MROH9: variants seen among roughly 807,000 people sequenced by gnomAD.
MROH9 encodes the protein maestro heat like repeat family member 9.
MROH9 carries 92 observed loss-of-function variants against 98.2 expected under a neutral mutation model. That is an observed-to-expected ratio of 0.94 (90% CI 0.79 to 1.11). The LOEUF is 1.11. MROH9 is among the 50% of genes most tolerant of loss of function. The pLI, the probability that MROH9 is intolerant of heterozygous loss-of-function variation, is 0.00. For synonymous variants in MROH9, 397 were observed against 368.9 expected, an observed-to-expected ratio of 1.08 and a Z score of -0.87; for missense variants, 1,057 against 1,014.8, an observed-to-expected ratio of 1.04 and a Z score of -0.57.
chr1:171,020,000 A>G (rs1652463571), intron 17 of MROH9, among the ~76,000 whole-genome samples: 1 of 152,208 alleles, frequency 6.6e-6, no homozygotes, highest in Non-Finnish European at 1.5e-5. Context: ...ATACACAAAT[A>G]AACGGTAAAA....
rs551385475 is a variant in MROH9 at position 170,965,337 on chromosome 1, C to T, written c.480+82C>T. 20 of 892,134 alleles carry T rather than the reference C, an allele frequency of 2.2e-5. No individual in the cohort carries two copies. In the African/African-American group the frequency reaches 2.5e-4, roughly 11 times the overall value. The allele number at this position is 892,134 out of a possible 1,614,324, so 55.3% of individuals were successfully genotyped here. A position where few individuals can be genotyped will look rare whatever the true frequency, so the allele number is the denominator to read the frequency against. ...CTGCTTTCCATGTCTTGGGTCCTAA[C>T]AGTACTTGACAGGTCCTTGGTATTA... On this transcript the variant is annotated intron_variant, in intron 7 of 21. Coordinates refer to ENST00000367759, the MANE Select transcript of MROH9 (RefSeq NM_001163629.2).
At chr1:171,033,478 C>T (rs1490205556) in intron 20 of MROH9, among the ~76,000 whole-genome samples, 1 of 152,168 alleles carries the variant, frequency 6.6e-6, no homozygotes, top group Non-Finnish European at 1.5e-5. Context: ...CATGCTCACT[C>T]ACTGCCTGCC....
intron 17 of MROH9, among the ~76,000 whole-genome samples, chr1:171,020,669 C>A (rs1409659902): frequency 6.6e-6 from 1 of 152,114 alleles, no homozygotes; most frequent in African/African-American, 2.4e-5. Context: ...ATTGAATGAG[C>A]AAAAGCTGGA....
At chr1:171,038,296 T>C (rs1377330800) in intron 20 of MROH9, among the ~76,000 whole-genome samples, 2 of 152,122 alleles carry the variant, frequency 1.3e-5, no homozygotes, top group Non-Finnish European at 2.9e-5. Flanking sequence ...TTTCCAAAAG[T>C]GATGCAAACA....
intron 6 of MROH9, among the ~76,000 whole-genome samples, chr1:170,964,927 T>C (rs1650172268): frequency 6.6e-6 from 1 of 152,000 alleles, no homozygotes; most frequent in Non-Finnish European, 1.5e-5. Flanking sequence ...AGTAAATACT[T>C]TTTGAATATA....
At chr1:171,025,888 T>A (rs1029578238) in intron 20 of MROH9, among the ~76,000 whole-genome samples, 3 of 152,042 alleles carry the variant, frequency 2.0e-5, no homozygotes, top group Non-Finnish European at 2.9e-5. Flanking sequence ...ACTAGACAAG[T>A]TTTTTATATC....
At chr1:170,994,760 C>T (rs1651496301) in intron 12 of MROH9, among the ~76,000 whole-genome samples, 1 of 152,080 alleles carries the variant, frequency 6.6e-6, no homozygotes, top group Admixed American at 6.6e-5. Context: ...CCTTTCCCAG[C>T]CTCTGGTAAC....
intron 17 of MROH9, among the ~76,000 whole-genome samples, chr1:171,023,428 A>C (rs538353781): frequency 1.3e-5 from 2 of 152,256 alleles, no homozygotes; most frequent in East Asian, 3.9e-4. Context: ...GCATGGTTAC[A>C]TTATTATAAG....
intron 4 of MROH9, among the ~76,000 whole-genome samples, chr1:170,959,184 G>T (rs2101889933): frequency 6.6e-6 from 1 of 152,116 alleles, no homozygotes; most frequent in Non-Finnish European, 1.5e-5. Context: ...GACCATCCTA[G>T]CTAACATGGT....
At chr1:170,938,456 C>T (rs1488681659) in intron 1 of MROH9, among the ~76,000 whole-genome samples, 1 of 152,152 alleles carries the variant, frequency 6.6e-6, no homozygotes, top group African/African-American at 2.4e-5. Context: ...CCAGCCCTTC[C>T]AGGTATTGAC....
chr1:170,949,792 A>T (rs1439837930), intron 3 of MROH9, among the ~76,000 whole-genome samples: 1 of 152,054 alleles, frequency 6.6e-6, no homozygotes, highest in African/African-American at 2.4e-5. Flanking sequence ...GGAAGGGGAC[A>T]ATAAATTATT....
rs146398508 is a variant in MROH9, at chr1:170,974,044, A to G, written c.616+2161A>G. Among the ~76,000 whole-genome samples the G allele has an allele frequency of 7.4e-4, 113 of 152,324 alleles. 3 individuals carry two copies. In the East Asian group the frequency reaches 0.02, roughly 28 times the overall value. ...TATCTGAGAAGAAAAATTCTCTGGC[A>G]TGGATTAACAAAAACTTTGCAGAAG... On this transcript the variant is annotated intron_variant, in intron 8 of 21. Coordinates refer to ENST00000367759, the MANE Select transcript of MROH9 (RefSeq NM_001163629.2).
At position 171,049,967 on chromosome 1, in the gene MROH9, C is replaced by T. The variant is rs552039583; in HGVS notation, c.2282-12165C>T. On this transcript the variant is annotated intron_variant, in intron 20 of 21. Transcript: ENST00000367759. The stretch of plus-strand genomic sequence containing the variant: ...AATGTGCTAGGATTACAGGCATGAA[C>T]CACCATGCCTGGACTATTTTCTTTC... 4.0e-4 allele frequency among the ~76,000 whole-genome samples: 61 copies of T among 152,280 alleles called. 2 individuals are homozygous for T. The South Asian group carries it at 0.012, about 31-fold the overall frequency.
chr1:171,043,810 T>A (rs1653380293), intron 20 of MROH9, among the ~76,000 whole-genome samples: 1 of 152,152 alleles, frequency 6.6e-6, no homozygotes, highest in Admixed American at 6.5e-5. Flanking sequence ...CTGATTTTCG[T>A]ATGTTGATTT....
intron 14 of MROH9, among the ~76,000 whole-genome samples, chr1:170,997,758 C>T (rs765293265): frequency 6.6e-6 from 1 of 152,116 alleles, no homozygotes; most frequent in Non-Finnish European, 1.5e-5. Flanking sequence ...AAACTCTCAT[C>T]GGCGTTACAT....
At chr1:170,971,430 T>C (rs765594746) in intron 7 of MROH9, among the ~76,000 whole-genome samples, 6 of 152,182 alleles carry the variant, frequency 3.9e-5, no homozygotes, top group Non-Finnish European at 5.9e-5. Context: ...TGCAAGTGAC[T>C]ACCCACTTCA....
intron 4 of MROH9, 39 bp from the exon 5 acceptor site, chr1:170,959,423 G>A (rs1649922042): frequency 1.3e-6 from 2 of 1,534,470 alleles, no homozygotes; most frequent in African/African-American, 2.8e-5. Flanking sequence ...TATTATATTT[G>A]TTTTCTCATC....
rs1366809943 is a variant in MROH9 at position 170,969,577 on chromosome 1, A to G, written c.481-2171A>G. Among the ~76,000 whole-genome samples the G allele has an allele frequency of 3.9e-5, 6 of 152,288 alleles. No homozygotes were observed. The East Asian group carries it at 5.8e-4, about 15-fold the overall frequency. On this transcript the variant is annotated intron_variant, in intron 7 of 21. Coordinates refer to ENST00000367759, the MANE Select transcript of MROH9 (RefSeq NM_001163629.2). ...AAACTGATGTTAGAAGCAAAGGTGC[A>G]TTGTTTATAGAAACAGGGGAGACTT...
intron 20 of MROH9, among the ~76,000 whole-genome samples, chr1:171,030,791 G>A (rs1200973443): frequency 1.3e-5 from 2 of 152,186 alleles, no homozygotes; most frequent in Non-Finnish European, 2.9e-5. Context: ...TTCTGCATAT[G>A]TCTATTGGGC....
Sources: allele counts gnomAD v4.1 joint callset (sites outside exome capture counted in the v4.1 genomes callset), GRCh38; gene constraint gnomAD v4.1.1; transcripts MANE v1.5; gene names NCBI Gene and HGNC (gene_info 2026-07-23, HGNC 2026-07-21).